The following MSL2 variants were observed in gnomAD, a reference collection of about 807,000 sequenced individuals.
MSL2 encodes MSL complex subunit 2, also known as E3 ubiquitin-protein ligase MSL2.
A neutral mutation model predicts 35.8 loss-of-function variants in MSL2; 2 were observed. That is an observed-to-expected ratio of 0.06 (90% CI 0.02 to 0.18). MSL2 has a LOEUF of 0.18. MSL2 is among the 10% of genes least tolerant of loss of function. MSL2 has a pLI of 1.00. For missense variants in MSL2, 523 were observed against 706.7 expected, an observed-to-expected ratio of 0.74 and a Z score of 2.95; for synonymous variants, 296 against 255.7, an observed-to-expected ratio of 1.16 and a Z score of -1.50.
chr3:136,189,661 T>C (rs1940627568), intron 1 of MSL2, among the ~76,000 whole-genome samples: 1 of 149,500 alleles, frequency 6.7e-6, no homozygotes, highest in Non-Finnish European at 1.5e-5. Flanking sequence ...GAGGTGGAGC[T>C]TGCAGTGAGC....
At chr3:136,166,409 G>A (rs1435262509) in intron 1 of MSL2, among the ~76,000 whole-genome samples, 2 of 151,530 alleles carry the variant, frequency 1.3e-5, no homozygotes, top group Non-Finnish European at 2.9e-5. Context: ...AAGTTTTAAG[G>A]CCCCAGAAAG....
In MSL2 at chr3:136,170,634, G is replaced by A. The variant is rs571560406; in HGVS notation, c.143-17896C>T. 3.4e-5 allele frequency among the ~76,000 whole-genome samples: 5 copies of A among 145,806 alleles called. No homozygotes were observed. In the East Asian group the frequency reaches 8.7e-4, roughly 25 times the overall value. ...AGCGATTCTCCTGCCTCAGCCTCCC[G>A]AGTAGCTGGGACTACAGGCGTGCGT... On this transcript the variant is annotated intron_variant, in intron 1 of 1. Coordinates refer to ENST00000309993, the MANE Select transcript of MSL2 (RefSeq NM_018133.4).
intron 1 of MSL2, among the ~76,000 whole-genome samples, chr3:136,181,255 A>G (rs1173901254): frequency 6.6e-6 from 1 of 152,160 alleles, no homozygotes; most frequent in Admixed American, 6.6e-5. Context: ...AATTTTCTTA[A>G]TGCTTCTTGT....
chr3:136,174,051 T>A (rs1366257393), intron 1 of MSL2, among the ~76,000 whole-genome samples: 5 of 152,198 alleles, frequency 3.3e-5, no homozygotes, highest in Non-Finnish European at 5.9e-5. Context: ...CCTCCCTCAA[T>A]CTGTTGAAAA....
At chr3:136,153,020 T>C (rs1939416826) in intron 1 of MSL2, 1 of 985,368 alleles carries the variant, frequency 1.0e-6, no homozygotes, top group Middle Eastern at 5.2e-4. Context: ...ATCCTCTTCC[T>C]CCAAAGGCTA....
intron 1 of MSL2, among the ~76,000 whole-genome samples, chr3:136,186,325 C>T (rs1302662081): frequency 1.3e-5 from 2 of 152,140 alleles, no homozygotes; most frequent in African/African-American, 2.4e-5. Flanking sequence ...TACTGAAGTC[C>T]TTGATATAAC....
chr3:136,158,448 C>T (rs1422528732), intron 1 of MSL2, among the ~76,000 whole-genome samples: 4 of 151,440 alleles, frequency 2.6e-5, no homozygotes, highest in South Asian at 2.1e-4. Flanking sequence ...AATTCACAAA[C>T]GAGAAATTGA....
At chr3:136,161,389 A>G (rs1325252769) in intron 1 of MSL2, among the ~76,000 whole-genome samples, 1 of 152,230 alleles carries the variant, frequency 6.6e-6, no homozygotes, top group Non-Finnish European at 1.5e-5. Flanking sequence ...AGAAATAAAA[A>G]CATATCCACA....
At chr3:136,161,444 G>A (rs1939705577) in intron 1 of MSL2, among the ~76,000 whole-genome samples, 1 of 152,124 alleles carries the variant, frequency 6.6e-6, no homozygotes, top group Non-Finnish European at 1.5e-5. Context: ...ATTCCTAATG[G>A]CCAAAAATTA....
In MSL2 at chr3:136,195,748, C is replaced by T. The variant is rs1940825655; in HGVS notation, c.-635G>A. The stretch of plus-strand genomic sequence containing the variant: ...TATCGGACGCGGGGCCCAGACTGCG[C>T]CCTGGCTCTCCGCCCCGTGGGTTGC... On this transcript the variant is annotated 5_prime_UTR_variant, in exon 1 of 2. Transcript: ENST00000309993. 4.1e-6 allele frequency: 4 copies of T among 985,094 alleles called. No homozygotes were observed. Among genetic ancestry groups the T allele is most frequent in the Non-Finnish European group, 4.8e-6 (4 of 829,872 alleles). 61.0% of individuals were successfully genotyped at this position (985,094 alleles called of 1,614,324 possible). A position where few individuals can be genotyped will look rare whatever the true frequency, so the allele number is the denominator to read the frequency against.
chr3:136,182,017 A>C (rs1940381464), intron 1 of MSL2, among the ~76,000 whole-genome samples: 1 of 152,116 alleles, frequency 6.6e-6, no homozygotes, highest in African/African-American at 2.4e-5. Flanking sequence ...TTTTTTAAAA[A>C]ATCAAAACTT....
chr3:136,152,142 A>C lies in MSL2; in HGVS notation c.739T>G (p.Cys247Gly), dbSNP rs146908606. 6.2e-4 allele frequency: 1,001 copies of C among 1,614,114 alleles called. 1 individual carries two copies. Among genetic ancestry groups the C allele is most frequent in the Non-Finnish European group, 8.1e-4 (954 of 1,180,046 alleles). ...PVCDTVATDLCSTGIDICSFS... is the reference protein window; with the variant it reads ...PVCDTVATDLGSTGIDICSFS... ...CTGCAGATATCAATGCCTGTGGAAC[A>C]TAAGTCAGTGGCTACTGTGTCACAA... Residue 247 changes from cysteine to glycine, a missense_variant, in exon 2 of 2, where the codon TGT becomes GGT. By Grantham distance (159) the Cys-to-Gly change is radical. Transcript: ENST00000309993.
chr3:136,158,318 T>TA (rs1939591213), intron 1 of MSL2, among the ~76,000 whole-genome samples: 1 of 137,782 alleles, frequency 7.3e-6, no homozygotes, highest in Admixed American at 7.2e-5. Context: ...AAAATTAAAA[T>TA]TAAAAAAAAA....
chr3:136,161,601 G>C (rs1193535179), intron 1 of MSL2, among the ~76,000 whole-genome samples: 1 of 152,196 alleles, frequency 6.6e-6, no homozygotes, highest in African/African-American at 2.4e-5. Context: ...GAAAGAAGCA[G>C]ATACAAGAGT....
intron 1 of MSL2, among the ~76,000 whole-genome samples, chr3:136,191,506 A>C (rs1374014667): frequency 6.7e-6 from 1 of 150,354 alleles, no homozygotes; most frequent in South Asian, 2.1e-4. Flanking sequence ...GCCAGGAGCC[A>C]CAGTGGCTTA....
At chr3:136,175,338 C>A (rs200716776) in intron 1 of MSL2, among the ~76,000 whole-genome samples, 2 of 140,680 alleles carry the variant, frequency 1.4e-5, no homozygotes, top group Non-Finnish European at 1.6e-5. Context: ...AGCAAGACTC[C>A]GTCTCAAAAA....
chr3:136,152,232 T>G lies in MSL2; in HGVS notation c.649A>C (p.Thr217Pro), dbSNP rs1473024267. The G allele has an allele frequency of 6.2e-6, 10 of 1,614,170 alleles. No homozygotes were observed. The South Asian group carries it at 1.1e-4, about 18-fold the overall frequency. ...INIPSPEHSN[T>P]IDVCNTVDIK... ...TCAACAGTATTACATACGTCAATCGTATTTGAATGTTCAGGTGAAGGAATA... is the reference window on the plus strand; with the variant it reads ...TCAACAGTATTACATACGTCAATCGGATTTGAATGTTCAGGTGAAGGAATA... The change falls in exon 2 of 2, where the codon ACG becomes CCG. Residue 217 changes from threonine to proline, a missense_variant. Thr to Pro is a conservative substitution (Grantham distance 38). Coordinates refer to ENST00000309993, the MANE Select transcript of MSL2 (RefSeq NM_018133.4).
At chr3:136,177,093 C>A in intron 1 of MSL2, among the ~76,000 whole-genome samples, 1 of 152,070 alleles carries the variant, frequency 6.6e-6, no homozygotes, top group East Asian at 1.9e-4. Flanking sequence ...AAACCTCCAC[C>A]CACTTTATTT....
At chr3:136,182,171 T>C (rs973449610) in intron 1 of MSL2, among the ~76,000 whole-genome samples, 6 of 152,166 alleles carry the variant, frequency 3.9e-5, no homozygotes, top group Non-Finnish European at 8.8e-5. Flanking sequence ...AAGGAAGCCA[T>C]TACACTCACA....
Sources: gnomAD v4.1 joint callset for allele counts (sites outside exome capture counted in the v4.1 genomes callset) on GRCh38, gnomAD v4.1.1 for gene constraint, MANE v1.5 for transcripts, NCBI Gene and HGNC (gene_info 2026-07-23, HGNC 2026-07-21) for gene names.